The following NOX4 variants were observed in gnomAD, a reference collection of about 807,000 sequenced individuals.
NOX4 encodes NADPH oxidase 4.
A neutral mutation model predicts 87.6 loss-of-function variants in NOX4; 69 were observed. That is an observed-to-expected ratio of 0.79 (90% CI 0.65 to 0.96). The LOEUF is 0.96. NOX4 is among the 40% of genes least tolerant of loss of function. NOX4 has a pLI of 0.00. For missense variants in NOX4, 680 were observed against 681.5 expected (o/e 1.00, Z 0.02); for synonymous variants, 275 against 238.2 (o/e 1.15, Z -1.42).
At chr11:89,360,258 T>C (rs1938417320) in intron 12 of NOX4, among the ~76,000 whole-genome samples, 1 of 152,034 alleles carries the variant, frequency 6.6e-6, no homozygotes, top group African/African-American at 2.4e-5. Context: ...AAAGGACAAA[T>C]CTTTCTTCAC....
upstream of NOX4, among the ~76,000 whole-genome samples, chr11:89,501,409 ATTAAG>A (rs1947018144): frequency 6.6e-6 from 1 of 152,010 alleles, no homozygotes; most frequent in South Asian, 2.1e-4. Context: ...GGTCGCTTAT[ATTAAG>A]TTAAGGGAAG....
the NOX4 span, among the ~76,000 whole-genome samples, chr11:89,535,537 A>T: frequency 6.6e-6 from 1 of 152,186 alleles, no homozygotes; most frequent in Non-Finnish European, 1.5e-5. Flanking sequence ...TGCATCATGT[A>T]ATTTATTTTG....
intron 8 of NOX4, among the ~76,000 whole-genome samples, chr11:89,418,753 C>A (rs1165773087): frequency 6.6e-6 from 1 of 151,956 alleles, no homozygotes; most frequent in East Asian, 1.9e-4. Context: ...ACAGAATGGA[C>A]ATCTTCAAAA....
intron 2 of NOX4, among the ~76,000 whole-genome samples, chr11:89,455,621 T>TG (rs2135399595): frequency 6.6e-6 from 1 of 152,142 alleles, no homozygotes; most frequent in Non-Finnish European, 1.5e-5. Flanking sequence ...AAAGCTTGTA[T>TG]GTCCACCAAT....
the NOX4 span, among the ~76,000 whole-genome samples, chr11:89,573,716 GA>G: frequency 6.6e-6 from 1 of 152,042 alleles, no homozygotes; most frequent in Admixed American, 6.5e-5. Flanking sequence ...TTTAGAACAG[GA>G]AAAAAAGGAA....
intron 6 of NOX4, among the ~76,000 whole-genome samples, chr11:89,434,231 G>A (rs1352368298): frequency 1.3e-5 from 2 of 152,076 alleles, no homozygotes; most frequent in Non-Finnish European, 2.9e-5. Context: ...AACAGCATTC[G>A]AAATCTCAGT....
chr11:89,536,479 G>A, the NOX4 span, among the ~76,000 whole-genome samples: 1 of 152,050 alleles, frequency 6.6e-6, no homozygotes, highest in Non-Finnish European at 1.5e-5. Flanking sequence ...AGTTCCATAT[G>A]ATCCTTCTGC....
chr11:89,410,122 A>G (rs1294694083), intron 8 of NOX4, among the ~76,000 whole-genome samples: 3 of 152,120 alleles, frequency 2.0e-5, no homozygotes, highest in Non-Finnish European at 2.9e-5. Context: ...TTTTTTAGCC[A>G]CAGAAATGCA....
intron 2 of NOX4, among the ~76,000 whole-genome samples, chr11:89,461,006 T>TC (rs1423717155): frequency 6.6e-6 from 1 of 152,122 alleles, no homozygotes; most frequent in Non-Finnish European, 1.5e-5. Context: ...ATGTCCTTTG[T>TC]AGGGACATGG....
rs66956839 is a variant in NOX4 at position 89,329,478 on chromosome 11, GAA to G, written c.1617-2604_1617-2603del. Among the ~76,000 whole-genome samples, 149 of 135,262 alleles carry G rather than the reference GAA, an allele frequency of 1.1e-3. 1 individual carries two copies. The highest frequency in any genetic ancestry group is 4.6e-3 in the Admixed American group (62 of 13,604). 88.7% of individuals were successfully genotyped at this position (135,262 alleles called of 152,430 possible). On this transcript the variant is annotated intron_variant, in intron 17 of 17. Coordinates refer to ENST00000263317, the MANE Select transcript of NOX4 (RefSeq NM_016931.5). ...AACATGAGAGAAGACCAAGGGAGAA[GAA>G]AAAAAAAAAATAAAAGATCTCATTA...
chr11:89,409,239 T>C (rs1405234149), intron 8 of NOX4, among the ~76,000 whole-genome samples: 1 of 152,138 alleles, frequency 6.6e-6, no homozygotes, highest in East Asian at 1.9e-4. Context: ...ATACAGTGCT[T>C]TTTCCTCCTC....
chr11:89,552,200 C>T, the NOX4 span, among the ~76,000 whole-genome samples: 1 of 152,082 alleles, frequency 6.6e-6, no homozygotes, highest in African/African-American at 2.4e-5. Context: ...GAAGGAAGTA[C>T]TGTTTGTTAT....
intron 11 of NOX4, among the ~76,000 whole-genome samples, chr11:89,380,296 AGT>A (rs1201944047): frequency 6.6e-6 from 1 of 152,202 alleles, no homozygotes; most frequent in Non-Finnish European, 1.5e-5. Context: ...AGTGGAAAAA[AGT>A]GTTTCAGTAA....
chr11:89,503,856 T>C, the NOX4 span, among the ~76,000 whole-genome samples: 1 of 145,878 alleles, frequency 6.9e-6, no homozygotes, highest in African/African-American at 2.6e-5. Context: ...CACTTTGGGT[T>C]AGACATCATA....
At chr11:89,580,563 C>T in the NOX4 span, among the ~76,000 whole-genome samples, 3 of 152,138 alleles carry the variant, frequency 2.0e-5, no homozygotes, top group Admixed American at 2.0e-4. Context: ...ACCTCATAAA[C>T]ATTAAACTGA....
chr11:89,402,127 A>G (rs1941891041), intron 9 of NOX4, among the ~76,000 whole-genome samples, 199 bp downstream of exon 9: 1 of 152,110 alleles, frequency 6.6e-6, no homozygotes, highest in Non-Finnish European at 1.5e-5. Context: ...GAAATGTTAT[A>G]TATCCTCTAA....
At chr11:89,398,039 C>G (rs1941601836) in intron 11 of NOX4, among the ~76,000 whole-genome samples, 1 of 152,002 alleles carries the variant, frequency 6.6e-6, no homozygotes, top group African/African-American at 2.4e-5. Flanking sequence ...ACCAATATCC[C>G]TGATGAACAT....
intron 8 of NOX4, among the ~76,000 whole-genome samples, chr11:89,421,408 G>T (rs1414019724): frequency 6.6e-6 from 1 of 150,920 alleles, no homozygotes; most frequent in South Asian, 2.1e-4. Context: ...TTCACTTTAT[G>T]TTTTTTTTCC....
the NOX4 span, among the ~76,000 whole-genome samples, chr11:89,544,324 T>A: frequency 2.6e-5 from 4 of 152,164 alleles, no homozygotes; most frequent in East Asian, 5.8e-4. Context: ...ATTGCCTGCA[T>A]TCCCTCCTAG....
Sources: allele counts gnomAD v4.1 joint callset (sites outside exome capture counted in the v4.1 genomes callset), GRCh38; gene constraint gnomAD v4.1.1; transcripts MANE v1.5; gene names NCBI Gene and HGNC (gene_info 2026-07-23, HGNC 2026-07-21).